Variants in ADAMTS2 observed in about 807,000 individuals in gnomAD.
ADAMTS2 encodes ADAM metallopeptidase with thrombospondin type 1 motif 2, also known as A disintegrin and metalloproteinase with thrombospondin motifs 2.
In ADAMTS2, 50 loss-of-function variants were observed where a neutral mutation model predicts 123.0. That is an observed-to-expected ratio of 0.41 (90% CI 0.32 to 0.51). The LOEUF is 0.51. ADAMTS2 is among the 20% of genes least tolerant of loss of function. ADAMTS2 has a pLI of 0.35. For synonymous variants in ADAMTS2, 678 were observed against 695.4 expected (o/e 0.98, Z 0.39); for missense variants, 1,494 against 1,705.2 (o/e 0.88, Z 2.18).
chr5:179,281,945 A>C (rs780047189), intron 2 of ADAMTS2, among the ~76,000 whole-genome samples: 1 of 152,182 alleles, frequency 6.6e-6, no homozygotes, highest in Non-Finnish European at 1.5e-5. Context: ...CATTTATTTA[A>C]CTTTGGAGAA....
rs537978230 is a variant in ADAMTS2 at position 179,317,326 on chromosome 5, G to C, written c.534+26441C>G. Among the ~76,000 whole-genome samples, 3 of 152,144 alleles carry C rather than the reference G, an allele frequency of 2.0e-5. No homozygotes were observed. Among genetic ancestry groups the C allele is most frequent in the Admixed American group, 2.0e-4 (3 of 15,282 alleles). On this transcript the variant is annotated intron_variant, in intron 2 of 21. Transcript: ENST00000251582. The surrounding 1 kb of genome is among the most constrained non-coding windows in gnomAD (Gnocchi z 4.9). ...ACTCAGCTAGCAGAGTCGCTGATAT[G>C]GTAACACAATATCACACATCTCATC... is the stretch of plus-strand genomic sequence containing the variant.
chr5:179,189,510 G>GTTTTTTTTTT lies in ADAMTS2; in HGVS notation c.892-8365_892-8356dup, dbSNP rs146295427. ...CTACAGGCGCCCGCCAGTGCGCCTGGTTTTTTTTTTTTTTTTTTTTTTTTT... is the reference window on the plus strand; with the variant it reads ...CTACAGGCGCCCGCCAGTGCGCCTGGTTTTTTTTTTTTTTTTTTTTTTTTTTTTTTTTTTT... On this transcript the variant is annotated intron_variant, in intron 4 of 21. Transcript: ENST00000251582. This position sits in a 1 kb window ranked among gnomAD's most constrained non-coding sequence, Gnocchi z 4.2. Among the ~76,000 whole-genome samples the GTTTTTTTTTT allele has an allele frequency of 3.8e-5, 3 of 78,950 alleles. No individual in the cohort carries two copies. The highest frequency in any genetic ancestry group is 5.0e-5 in the Non-Finnish European group (2 of 39,980). The allele number at this position is 78,950 out of a possible 152,430, so 51.8% of individuals were successfully genotyped here.
chr5:179,122,725 G>C lies in ADAMTS2; in HGVS notation c.3007C>G (p.Arg1003Gly), dbSNP rs750505827. ...NGTQERPVLCRTADDSFGICQ... is the reference protein window; with the variant it reads ...NGTQERPVLCGTADDSFGICQ... ...ATGCCGAAGCTGTCGTCCGCGGTGC[G>C]GCAGAGCACTGGCCGCTCCTGGGTG... is the stretch of plus-strand genomic sequence containing the variant. Residue 1003 changes from arginine (R) to glycine (G), a missense_variant, in exon 20 of 22, where the codon CGC becomes GGC. Around this residue, in one of 6 missense-constraint regions of ADAMTS2, gnomAD observed 953 missense variants for 1,124.7 expected, o/e 0.85. Coordinates refer to ENST00000251582, the MANE Select transcript of ADAMTS2 (RefSeq NM_014244.5). 1 of 1,552,930 alleles carries C rather than the reference G, an allele frequency of 6.4e-7. No individual in the cohort carries two copies. Among genetic ancestry groups the C allele is most frequent in the Admixed American group, 2.0e-5 (1 of 51,244 alleles).
chr5:179,297,957 C>G (rs990307160), intron 2 of ADAMTS2, among the ~76,000 whole-genome samples: 1 of 152,120 alleles, frequency 6.6e-6, no homozygotes, highest in Non-Finnish European at 1.5e-5. Flanking sequence ...CTCTGCTGCT[C>G]CCTCCCACGC....
intron 21 of ADAMTS2, chr5:179,121,331 CGCGAA>C (rs1762756845): frequency 5.3e-6 from 1 of 187,476 alleles, no homozygotes; most frequent in African/African-American, 2.3e-5. Context: ...GCCGCGAGAC[CGCGAA>C]CCCCCCCGGG....
rs1051856642 is a variant in ADAMTS2, at chr5:179,200,244, CTT to C, written c.891+7267_891+7268del. ...TATCTCCCCGCCACACCTTTCTTTC[CTT>C]TTTTTTTTTTTTTTTTTTTTGAGAG... On this transcript the variant is annotated intron_variant, in intron 4 of 21. Transcript: ENST00000251582. Among the ~76,000 whole-genome samples the C allele has an allele frequency of 6.7e-4, 69 of 103,680 alleles. 1 individual carries two copies. The highest frequency in any genetic ancestry group is 2.7e-3 in the African/African-American group (67 of 25,248). 68.0% of individuals were successfully genotyped at this position (103,680 alleles called of 152,430 possible).
intron 10 of ADAMTS2, among the ~76,000 whole-genome samples, chr5:179,148,051 A>G (rs531039261): frequency 1.2e-3 from 182 of 152,066 alleles, no homozygotes; most frequent in African/African-American, 4.1e-3. Flanking sequence ...TTCCCTCCCA[A>G]AGCCCCTCCA....
At chr5:179,243,873 C>A (rs1765721971) in intron 3 of ADAMTS2, among the ~76,000 whole-genome samples, 1 of 152,138 alleles carries the variant, frequency 6.6e-6, no homozygotes, top group Admixed American at 6.5e-5. Flanking sequence ...AATGGAAATT[C>A]TGGAGTTGAA....
chr5:179,192,778 G>A (rs534077420), intron 4 of ADAMTS2, among the ~76,000 whole-genome samples: 116 of 152,294 alleles, frequency 7.6e-4, no homozygotes, highest in African/African-American at 2.6e-3. Flanking sequence ...ATGCTGCCTC[G>A]GGTGCTGTCC....
chr5:179,167,973 A>C (rs1763739525), intron 5 of ADAMTS2, among the ~76,000 whole-genome samples: 1 of 152,210 alleles, frequency 6.6e-6, no homozygotes, highest in South Asian at 2.1e-4. Context: ...ATGCGGCTTC[A>C]GCAAAGCTTC....
At chr5:179,322,588 C>T (rs994940544) in intron 2 of ADAMTS2, among the ~76,000 whole-genome samples, 1 of 152,210 alleles carries the variant, frequency 6.6e-6, no homozygotes, top group African/African-American at 2.4e-5. Context: ...TTCCAGATGA[C>T]TTGTCAAGGC....
chr5:179,273,403 G>GT (rs1766601766), intron 2 of ADAMTS2, among the ~76,000 whole-genome samples: 1 of 152,168 alleles, frequency 6.6e-6, no homozygotes, highest in Non-Finnish European at 1.5e-5. Context: ...GGGCCTGTGC[G>GT]TGTCCCCAGG....
intron 10 of ADAMTS2, among the ~76,000 whole-genome samples, chr5:179,147,420 G>A (rs993079616): frequency 1.1e-4 from 16 of 152,276 alleles, no homozygotes; most frequent in African/African-American, 3.9e-4. Context: ...AGACCATCTT[G>A]TTACACTTGG....
intron 21 of ADAMTS2, among the ~76,000 whole-genome samples, chr5:179,114,746 C>T (rs944222738): frequency 6.6e-6 from 1 of 152,212 alleles, no homozygotes. Flanking sequence ...CTTGACTCTA[C>T]AATAATCTCT....
chr5:179,219,837 C>T (rs910616573), intron 3 of ADAMTS2, among the ~76,000 whole-genome samples: 9 of 152,194 alleles, frequency 5.9e-5, no homozygotes, highest in African/African-American at 2.2e-4. Flanking sequence ...ACTTCCCCTT[C>T]GTCCCCCCAG....
chr5:179,286,205 G>T, intron 2 of ADAMTS2, among the ~76,000 whole-genome samples: 1 of 118,020 alleles, frequency 8.5e-6, no homozygotes, highest in South Asian at 3.3e-4. Flanking sequence ...CAGAGTGAGA[G>T]ACTCTTGTCT....
At chr5:179,171,776 G>GA (rs1173136564) in intron 5 of ADAMTS2, among the ~76,000 whole-genome samples, 1 of 152,118 alleles carries the variant, frequency 6.6e-6, no homozygotes, top group African/African-American at 2.4e-5. Context: ...GTTAGGAGCA[G>GA]AAAAAAAGGC....
intron 4 of ADAMTS2, 25 bp downstream of exon 4, chr5:179,207,488 C>G: frequency 8.0e-7 from 1 of 1,246,928 alleles, no homozygotes; most frequent in Non-Finnish European, 1.2e-6. Context: ...CCGCCCCACC[C>G]TGCCCCCTCA....
intron 2 of ADAMTS2, among the ~76,000 whole-genome samples, chr5:179,275,611 G>A (rs986161196): frequency 9.2e-5 from 14 of 152,188 alleles, no homozygotes; most frequent in Non-Finnish European, 7.3e-5. Flanking sequence ...AGACAGGGAG[G>A]ATGCCAGATG....
Sources: gnomAD v4.1 joint callset for allele counts (sites outside exome capture counted in the v4.1 genomes callset) on GRCh38, gnomAD v4.1.1 for gene constraint, gnomAD v4.1.1 regional missense constraint, Gnocchi (gnomAD v3.1) non-coding constraint, MANE v1.5 for transcripts, NCBI Gene and HGNC (gene_info 2026-07-23, HGNC 2026-07-21) for gene names.